TGM2: variants seen among roughly 807,000 people sequenced by gnomAD.
TGM2 encodes the protein protein-glutamine gamma-glutamyltransferase 2.
A neutral mutation model predicts 75.6 loss-of-function variants in TGM2; 53 were observed. The observed-to-expected ratio is 0.70, with a 90% CI of 0.56 to 0.88. TGM2 has a LOEUF of 0.88. Among genes scored for constraint, TGM2 ranks in the 40% least tolerant of loss-of-function variants. The probability of loss-of-function intolerance (pLI) is 0.00; values close to 1 mark genes in which losing one functional copy is unlikely to be tolerated. For missense variants in TGM2, 842 were observed against 928.5 expected (o/e 0.91, Z 1.21); for synonymous variants, 374 against 381.1 (o/e 0.98, Z 0.22).
intron 8 of TGM2, 126 bp downstream of exon 8, chr20:38,141,156 C>T: frequency 1.5e-6 from 1 of 687,106 alleles, no homozygotes; most frequent in Non-Finnish European, 2.6e-6. Context: ...GGTCCCCCAC[C>T]CTTCTGTGGA....
chr20:38,168,115 CCCAG>C (rs2075324333), upstream of TGM2, among the ~76,000 whole-genome samples: 2 of 152,200 alleles, frequency 1.3e-5, no homozygotes, highest in Admixed American at 1.3e-4. Flanking sequence ...CTGTCCCGCA[CCCAG>C]CCAGCTGCCC....
upstream of TGM2, chr20:38,165,308 TGGGGCGGGCCG>T: frequency 6.5e-7 from 1 of 1,538,932 alleles, no homozygotes; most frequent in Non-Finnish European, 8.9e-7. Flanking sequence ...TAGCCCGCTT[TGGGGCGGGCCG>T]GGGGCGGGGC....
chr20:38,156,153 C>T (rs1410044312), intron 2 of TGM2, 64 bp from the exon 3 acceptor site: 18 of 1,570,288 alleles, frequency 1.1e-5, no homozygotes, highest in African/African-American at 8.1e-5. Context: ...AGGGCACCTA[C>T]GTGGGGTCCC....
chr20:38,146,542 G>T (rs1215824943), intron 6 of TGM2, 175 bp downstream of exon 6: 1 of 766,156 alleles, frequency 1.3e-6, no homozygotes, highest in Admixed American at 2.0e-5. Flanking sequence ...ACCACTGGAG[G>T]GATGGCTATT....
intron 1 of TGM2, 135 bp downstream of exon 1, chr20:38,165,054 T>C (rs2075296269): frequency 7.7e-7 from 1 of 1,291,442 alleles, no homozygotes; most frequent in Non-Finnish European, 1.1e-6. Context: ...CCAAGCAGCA[T>C]TGAGACGCCT....
intron 12 of TGM2, 134 bp downstream of exon 12, chr20:38,130,959 G>A: frequency 7.2e-7 from 1 of 1,398,154 alleles, no homozygotes; most frequent in Non-Finnish European, 9.9e-7. Flanking sequence ...AGGGTGTCTG[G>A]GAGTGGGCAC....
At chr20:38,148,859 C>A (rs1338680887) in intron 4 of TGM2, among the ~76,000 whole-genome samples, 8 of 152,194 alleles carry the variant, frequency 5.3e-5, no homozygotes, top group Non-Finnish European at 1.0e-4. Context: ...CCCCTTCTTG[C>A]CACCTTCCAC....
chr20:38,146,537 T>C (rs1242198081), intron 6 of TGM2, 180 bp downstream of exon 6: 18 of 760,908 alleles, frequency 2.4e-5, no homozygotes, highest in Non-Finnish European at 4.1e-5. Flanking sequence ...TAACAACCAC[T>C]GGAGGGATGG....
In TGM2 at chr20:38,155,435, G is replaced by A. The variant is rs1044651952; in HGVS notation, c.433+412C>T. Among the ~76,000 whole-genome samples, 9 of 152,076 alleles carry A rather than the reference G, an allele frequency of 5.9e-5. No homozygotes were observed. The East Asian group carries it at 1.3e-3, about 23-fold the overall frequency. ...TAGCTCACTGCAGCCTCGACTTCCTGGACACAAGTGATCCTCCCACCTCAA... is the reference window on the plus strand; with the variant it reads ...TAGCTCACTGCAGCCTCGACTTCCTAGACACAAGTGATCCTCCCACCTCAA... On this transcript the variant is annotated intron_variant, in intron 3 of 12. Transcript: ENST00000361475.
At position 38,141,335 on chromosome 20, in the gene TGM2, G is replaced by A. The variant is rs577909675; in HGVS notation, c.1046C>T (p.Pro349Leu). Reference protein sequence around the residue: ...ESWMTRPDLQPGYEGWQALDP... With the variant: ...ESWMTRPDLQLGYEGWQALDP... ...CAGGGCCTGCCAGCCCTCGTACCCCGGCTGCAGGTCCGGCCTGGTCATCCA... is the reference window on the plus strand; with the variant it reads ...CAGGGCCTGCCAGCCCTCGTACCCCAGCTGCAGGTCCGGCCTGGTCATCCA... The change falls in exon 8 of 13, where the codon CCG becomes CTG. Residue 349 changes from proline to leucine, a missense_variant. Coordinates refer to ENST00000361475, the MANE Select transcript of TGM2 (RefSeq NM_004613.4). The A allele has an allele frequency of 3.3e-5, 52 of 1,592,652 alleles. No individual in the cohort carries two copies. In the Middle Eastern group the frequency reaches 5.0e-4, roughly 15 times the overall value.
intron 1 of TGM2, among the ~76,000 whole-genome samples, 176 bp downstream of exon 1, chr20:38,165,013 G>A (rs1449252224): frequency 6.6e-6 from 1 of 152,220 alleles, no homozygotes. Context: ...AGGGTTAATG[G>A]TTATGCAGTG....
intron 3 of TGM2, among the ~76,000 whole-genome samples, chr20:38,155,440 C>A (rs2075172045): frequency 1.3e-5 from 2 of 152,298 alleles, no homozygotes; most frequent in Admixed American, 1.3e-4. Flanking sequence ...TTCCTGGACA[C>A]AAGTGATCCT....
chr20:38,156,147 C>T (rs960482298), intron 2 of TGM2, 58 bp from the exon 3 acceptor site: 2 of 1,580,956 alleles, frequency 1.3e-6, no homozygotes, highest in African/African-American at 1.3e-5. Flanking sequence ...CAGGGCAGGG[C>T]ACCTACGTGG....
intron 8 of TGM2, 31 bp downstream of exon 8, chr20:38,141,251 C>G (rs1225457968): frequency 1.3e-5 from 20 of 1,525,176 alleles, no homozygotes; most frequent in Non-Finnish European, 1.8e-5. Flanking sequence ...TCTTCCCCAT[C>G]TGTTTGACGC....
chr20:38,151,679 G>A (rs141290967), intron 3 of TGM2, among the ~76,000 whole-genome samples: 4 of 152,322 alleles, frequency 2.6e-5, no homozygotes, highest in African/African-American at 9.6e-5. Flanking sequence ...CAGGAGAGGT[G>A]GGGTCCTGTC....
intron 8 of TGM2, 138 bp from the exon 9 acceptor site, chr20:38,139,792 G>A (rs1041141103): frequency 6.9e-6 from 8 of 1,160,096 alleles, no homozygotes; most frequent in Non-Finnish European, 8.5e-6. Flanking sequence ...TCCACTTCCA[G>A]GAGGGCACCA....
intron 5 of TGM2, 66 bp downstream of exon 5, chr20:38,147,895 C>G (rs561893270): frequency 6.4e-7 from 1 of 1,565,274 alleles, no homozygotes; most frequent in Non-Finnish European, 8.6e-7. Flanking sequence ...GTCTCCACTG[C>G]GAGGGAGAGG....
intron 2 of TGM2, among the ~76,000 whole-genome samples, chr20:38,160,268 G>A (rs141192369): frequency 3.9e-5 from 6 of 152,340 alleles, no homozygotes; most frequent in Middle Eastern, 3.4e-3. Flanking sequence ...CTAGCCAGGT[G>A]GCCCCTCACT....
chr20:38,138,026 G>A, intron 10 of TGM2, 87 bp downstream of exon 10: 1 of 1,498,136 alleles, frequency 6.7e-7, no homozygotes, highest in South Asian at 1.3e-5. Flanking sequence ...TCTGTGGGGT[G>A]AAATCACACA....
Sources: gnomAD v4.1 joint callset for allele counts (sites outside exome capture counted in the v4.1 genomes callset) on GRCh38, gnomAD v4.1.1 for gene constraint, MANE v1.5 for transcripts, NCBI Gene and HGNC (gene_info 2026-07-23, HGNC 2026-07-21) for gene names.